The following DPP6 variants were observed in gnomAD, a reference collection of about 807,000 sequenced individuals.
DPP6 encodes the protein dipeptidyl peptidase like 6.
DPP6 carries 69 observed loss-of-function variants against 122.6 expected under a neutral mutation model. The ratio of observed to expected loss-of-function variants is 0.56; its 90% CI spans 0.46 to 0.69. The LOEUF (loss-of-function observed/expected upper bound fraction) is 0.69, where lower values mean the gene tolerates loss of function less well. DPP6 is among the 30% of genes least tolerant of loss of function. The pLI, the probability that DPP6 is intolerant of heterozygous loss-of-function variation, is 0.00. For missense variants in DPP6, 928 were observed against 1,116.9 expected, an observed-to-expected ratio of 0.83 and a Z score of 2.41; for synonymous variants, 418 against 433.1, an observed-to-expected ratio of 0.97 and a Z score of 0.43.
intron 1 of DPP6, among the ~76,000 whole-genome samples, chr7:154,367,462 C>T (rs1200833178): frequency 1.3e-5 from 2 of 152,190 alleles, no homozygotes; most frequent in African/African-American, 4.8e-5. Flanking sequence ...AAATATCTGG[C>T]ATTTCTATAA....
intron 1 of DPP6, among the ~76,000 whole-genome samples, chr7:154,180,121 G>T (rs1797996080): frequency 6.6e-6 from 1 of 152,120 alleles, no homozygotes; most frequent in African/African-American, 2.4e-5. Context: ...GCTGAGGCAA[G>T]TGGATCACCT....
the DPP6 span, among the ~76,000 whole-genome samples, chr7:153,807,435 A>T: frequency 6.6e-6 from 1 of 151,876 alleles, no homozygotes; most frequent in Non-Finnish European, 1.5e-5. Flanking sequence ...AAACAAAAAA[A>T]AAAACAAAGA....
At chr7:154,526,525 A>G (rs2130047111) in intron 3 of DPP6, among the ~76,000 whole-genome samples, 1 of 152,332 alleles carries the variant, frequency 6.6e-6, no homozygotes, top group South Asian at 2.1e-4. Context: ...AAATGTGTCT[A>G]GTATAAATGA....
chr7:154,528,788 G>A (rs1208459595), intron 3 of DPP6, among the ~76,000 whole-genome samples: 1 of 152,204 alleles, frequency 6.6e-6, no homozygotes, highest in Non-Finnish European at 1.5e-5. Flanking sequence ...CATGAAAACT[G>A]TACAAGGGAG....
chr7:153,972,201 T>C (rs1166923616), intron 1 of DPP6, among the ~76,000 whole-genome samples: 1 of 151,030 alleles, frequency 6.6e-6, no homozygotes, highest in Non-Finnish European at 1.5e-5. Flanking sequence ...GCAGATGTGC[T>C]CTAGGAGGAG....
upstream of DPP6, among the ~76,000 whole-genome samples, chr7:153,886,112 T>C (rs902036670): frequency 3.6e-5 from 5 of 140,412 alleles, no homozygotes; most frequent in South Asian, 2.4e-4. Context: ...GGCACGCCCT[T>C]ACACACACAC....
At chr7:154,520,204 G>T (rs1345218521) in intron 3 of DPP6, among the ~76,000 whole-genome samples, 1 of 152,202 alleles carries the variant, frequency 6.6e-6, no homozygotes, top group East Asian at 1.9e-4. Flanking sequence ...AAATTTACTT[G>T]TCTCTCAAAT....
At chr7:154,327,697 C>T (rs543530478) in intron 1 of DPP6, among the ~76,000 whole-genome samples, 16 of 152,152 alleles carry the variant, frequency 1.1e-4, no homozygotes, top group African/African-American at 2.6e-4. Flanking sequence ...CCTACATTGC[C>T]GGGGAAAATG....
At chr7:154,074,092 G>C (rs55888016) in intron 1 of DPP6, among the ~76,000 whole-genome samples, 1 of 78,924 alleles carries the variant, frequency 1.3e-5, no homozygotes, top group South Asian at 4.0e-4. Flanking sequence ...GATATATAGA[G>C]ATCTATATAG....
At chr7:154,642,946 A>G (rs1405366402) in intron 6 of DPP6, among the ~76,000 whole-genome samples, 1 of 152,216 alleles carries the variant, frequency 6.6e-6, no homozygotes, top group Non-Finnish European at 1.5e-5. Context: ...CACCCAGCAA[A>G]GAATTTTGCA....
upstream of DPP6, among the ~76,000 whole-genome samples, chr7:153,883,242 A>T (rs1420879035): frequency 2.0e-5 from 3 of 152,216 alleles, no homozygotes; most frequent in East Asian, 5.8e-4. Flanking sequence ...TAGGGAATGA[A>T]CTTCTGATGG....
intron 1 of DPP6, among the ~76,000 whole-genome samples, chr7:153,997,007 T>TA (rs540166210): frequency 9.9e-5 from 15 of 151,998 alleles, no homozygotes; most frequent in African/African-American, 3.4e-4. Context: ...GTCTCTGAAT[T>TA]AAAAAAATGG....
At chr7:154,015,152 C>T (rs1260740084) in intron 1 of DPP6, among the ~76,000 whole-genome samples, 12 of 152,030 alleles carry the variant, frequency 7.9e-5, no homozygotes, top group Non-Finnish European at 1.8e-4. Flanking sequence ...TCTCTCCTCA[C>T]CACTTTTATG....
Position 154,058,054 on chromosome 7 carries a change from CT to C in DPP6, c.243+4992del, listed in dbSNP as rs920993590. 8 of 146,882 alleles carry C rather than the reference CT, an allele frequency of 5.4e-5. 1 individual carries two copies. The East Asian group carries it at 6.2e-4, about 11-fold the overall frequency. 9.1% of individuals were successfully genotyped at this position (146,882 alleles called of 1,614,324 possible). On this transcript the variant is annotated intron_variant, in intron 1 of 25. Coordinates refer to ENST00000377770, the MANE Select transcript of DPP6 (RefSeq NM_130797.4). ...GCTGAGATCCATCCCCTCTTCCCCC[CT>C]GACTCTTGGGACTCCCATTGCGGGT...
chr7:154,881,599 C>T (rs1805393259), intron 21 of DPP6, among the ~76,000 whole-genome samples: 1 of 152,216 alleles, frequency 6.6e-6, no homozygotes, highest in Non-Finnish European at 1.5e-5. Flanking sequence ...TGGGAGTGAC[C>T]CTCAGCACAG....
chr7:154,383,802 A>G (rs1813840157), intron 1 of DPP6, among the ~76,000 whole-genome samples: 1 of 149,992 alleles, frequency 6.7e-6, no homozygotes, highest in Non-Finnish European at 1.5e-5. Context: ...AGGCATGAGA[A>G]TCGCTTGAGC....
intron 1 of DPP6, among the ~76,000 whole-genome samples, chr7:154,159,396 T>G (rs909126113): frequency 3.3e-5 from 5 of 152,078 alleles, no homozygotes; most frequent in Non-Finnish European, 7.4e-5. Flanking sequence ...GATTTTTACC[T>G]TTTTTTTCAT....
At chr7:154,552,767 ACTC>A (rs1469259401) in intron 4 of DPP6, among the ~76,000 whole-genome samples, 1 of 151,788 alleles carries the variant, frequency 6.6e-6, no homozygotes, top group African/African-American at 2.4e-5. Context: ...AAGGGAGGGG[ACTC>A]CTCATATCTG....
rs79113263 is a variant in DPP6, at chr7:154,638,486, G to A, written c.680+613G>A. ...TGAGCTTGGCTGTGCTCCCAGGGCC[G>A]GGTTTCAGTGCCTGCTTTTGACTGG... On this transcript the variant is annotated intron_variant, in intron 6 of 25. Transcript: ENST00000377770. Among the ~76,000 whole-genome samples the A allele has an allele frequency of 8.2e-3, 1,251 of 152,266 alleles. 14 individuals carry two copies. Among genetic ancestry groups the A allele is most frequent in the African/African-American group, 0.028 (1,183 of 41,552 alleles).
Sources: gnomAD v4.1 joint callset for allele counts (sites outside exome capture counted in the v4.1 genomes callset) on GRCh38, gnomAD v4.1.1 for gene constraint, MANE v1.5 for transcripts, NCBI Gene and HGNC (gene_info 2026-07-23, HGNC 2026-07-21) for gene names.